The following ANXA8 variants were observed in gnomAD, a reference collection of about 807,000 sequenced individuals.
The protein encoded by ANXA8 is VAC-beta.
ANXA8 carries 9 observed loss-of-function variants against 26.8 expected under a neutral mutation model. The observed-to-expected ratio is 0.34, with a 90% CI of 0.20 to 0.59. The LOEUF (loss-of-function observed/expected upper bound fraction) is 0.59, where lower values mean the gene tolerates loss of function less well. ANXA8 is among the 20% of genes least tolerant of loss of function. The pLI, the probability that ANXA8 is intolerant of heterozygous loss-of-function variation, is 0.84. For missense variants in ANXA8, 83 were observed against 238.5 expected (o/e 0.35, Z 4.29); for synonymous variants, 39 against 94.8 (o/e 0.41, Z 3.42).
chr10:47,495,082 C>T, the ANXA8 span, among the ~76,000 whole-genome samples: 1 of 150,494 alleles, frequency 6.6e-6, no homozygotes, highest in African/African-American at 2.5e-5. Context: ...TCTCTCCCAC[C>T]TCCTATGACG....
chr10:47,650,863 A>C, the ANXA8 span, among the ~76,000 whole-genome samples: 1 of 150,338 alleles, frequency 6.7e-6, no homozygotes, highest in Non-Finnish European at 1.5e-5. Context: ...AAAATGTGCA[A>C]ATGGCCAAAT....
the ANXA8 span, among the ~76,000 whole-genome samples, chr10:47,525,501 A>C: frequency 7.4e-6 from 1 of 134,426 alleles, no homozygotes; most frequent in Non-Finnish European, 1.6e-5. Context: ...TGATCCAATC[A>C]CCTCCCCCTA....
chr10:47,548,830 G>C, the ANXA8 span, among the ~76,000 whole-genome samples: 2 of 151,936 alleles, frequency 1.3e-5, no homozygotes, highest in African/African-American at 4.8e-5. Context: ...CTTCACACAA[G>C]TTACTTAACT....
the ANXA8 span, chr10:47,973,231 A>G: frequency 1.3e-5 from 2 of 149,584 alleles, no homozygotes; most frequent in African/African-American, 2.4e-5. Context: ...CACTCTTCCA[A>G]GCACACAGCT....
At chr10:47,515,538 A>G in the ANXA8 span, among the ~76,000 whole-genome samples, 32 of 50,328 alleles carry the variant, frequency 6.4e-4, 2 homozygotes, top group African/African-American at 2.6e-3. Flanking sequence ...ATCTCTAACT[A>G]GAGCCCAAAG....
chr10:47,674,702 T>C, the ANXA8 span, among the ~76,000 whole-genome samples: 1 of 151,762 alleles, frequency 6.6e-6, no homozygotes, highest in Non-Finnish European at 1.5e-5. Flanking sequence ...GGAAGATTTG[T>C]CTCTTCTTCC....
chr10:47,976,420 G>A, the ANXA8 span, among the ~76,000 whole-genome samples: 1 of 151,420 alleles, frequency 6.6e-6, no homozygotes, highest in Non-Finnish European at 1.5e-5. Context: ...GAACATAAAT[G>A]TTCTCAGCTA....
chr10:47,483,841 T>A (rs1177968832), intron 1 of ANXA8, 72 bp downstream of exon 1: 22 of 1,611,110 alleles, frequency 1.4e-5, no homozygotes, highest in African/African-American at 2.7e-5. Context: ...GACTTTACAT[T>A]TCTCAGGACT....
At chr10:47,937,926 T>C in the ANXA8 span, among the ~76,000 whole-genome samples, 7 of 124,832 alleles carry the variant, frequency 5.6e-5, no homozygotes, top group Admixed American at 2.3e-4. Context: ...CAATCTACCA[T>C]TGATGGGCAT....
chr10:47,533,406 C>G, the ANXA8 span, among the ~76,000 whole-genome samples: 4 of 151,520 alleles, frequency 2.6e-5, no homozygotes, highest in South Asian at 6.2e-4. Flanking sequence ...GATGTGGGAG[C>G]TGGCCACTTC....
At chr10:47,755,244 C>A in the ANXA8 span, among the ~76,000 whole-genome samples, 8 of 151,042 alleles carry the variant, frequency 5.3e-5, no homozygotes, top group Admixed American at 3.9e-4. Context: ...CGTGAGCCAC[C>A]GCACCCAGCC....
chr10:47,639,176 G>A, the ANXA8 span, among the ~76,000 whole-genome samples: 2 of 148,444 alleles, frequency 1.3e-5, no homozygotes, highest in Non-Finnish European at 3.0e-5. Flanking sequence ...TGTCGCCCAG[G>A]CTGGAGTGCA....
chr10:47,695,271 A>C, the ANXA8 span, among the ~76,000 whole-genome samples: 2 of 151,640 alleles, frequency 1.3e-5, no homozygotes, highest in African/African-American at 4.9e-5. Flanking sequence ...ACTCATTAGC[A>C]TTGTAAGAAA....
chr10:47,894,712 T>C, the ANXA8 span, among the ~76,000 whole-genome samples: 1 of 149,636 alleles, frequency 6.7e-6, no homozygotes, highest in Non-Finnish European at 1.5e-5. Context: ...TAACACCCCA[T>C]ACAGTACACC....
chr10:47,500,716 T>C, the ANXA8 span, among the ~76,000 whole-genome samples: 4 of 115,332 alleles, frequency 3.5e-5, no homozygotes, highest in African/African-American at 7.1e-5. Flanking sequence ...ATATTTTCCA[T>C]GTGCAATGAT....
chr10:47,979,888 C>T, the ANXA8 span, among the ~76,000 whole-genome samples: 2 of 152,026 alleles, frequency 1.3e-5, no homozygotes, highest in Non-Finnish European at 2.9e-5. Context: ...TACAACCACA[C>T]AGATTCCTAT....
At chr10:47,936,733 G>A in the ANXA8 span, among the ~76,000 whole-genome samples, 8 of 148,700 alleles carry the variant, frequency 5.4e-5, no homozygotes, top group South Asian at 1.1e-3. Context: ...CAGGGGCTGT[G>A]CTTCCTTGAT....
the ANXA8 span, among the ~76,000 whole-genome samples, chr10:47,558,528 GATGTGTGT>G: frequency 8.6e-6 from 1 of 115,706 alleles, no homozygotes; most frequent in Admixed American, 9.5e-5. Flanking sequence ...AGGGTTTTAA[GATGTGTGT>G]GTGTGTGTGT....
the ANXA8 span, among the ~76,000 whole-genome samples, chr10:47,775,274 G>A: frequency 8.0e-5 from 11 of 136,712 alleles, no homozygotes; most frequent in African/African-American, 3.0e-4. Flanking sequence ...TCAGGAGGCT[G>A]AGGCAGGAGA....
Sources: gnomAD v4.1 joint callset for allele counts (sites outside exome capture counted in the v4.1 genomes callset) on GRCh38, gnomAD v4.1.1 for gene constraint, MANE v1.5 for transcripts, NCBI Gene and HGNC (gene_info 2026-07-23, HGNC 2026-07-21) for gene names.